The following GNB4 variants were observed in gnomAD, a reference collection of about 807,000 sequenced individuals.
GNB4 encodes the protein G protein subunit beta 4.
In GNB4, 28 loss-of-function variants were observed where a neutral mutation model predicts 45.2. That is an observed-to-expected ratio of 0.62 (90% CI 0.46 to 0.85). The LOEUF is 0.85. GNB4 is among the 40% of genes least tolerant of loss of function. GNB4 has a pLI of 0.00. For synonymous variants in GNB4, 132 were observed against 143.7 expected (o/e 0.92, Z 0.58); for missense variants, 321 against 425.4 (o/e 0.75, Z 2.16).
intron 8 of GNB4, among the ~76,000 whole-genome samples, chr3:179,409,111 A>G (rs1714566565): frequency 1.4e-5 from 2 of 144,686 alleles, no homozygotes; most frequent in Admixed American, 1.5e-4. Context: ...AGCCTGGGTG[A>G]CAGTGAAACC....
intron 1 of GNB4, among the ~76,000 whole-genome samples, chr3:179,435,917 A>C (rs1428421748): frequency 6.6e-6 from 1 of 152,228 alleles, no homozygotes; most frequent in African/African-American, 2.4e-5. Flanking sequence ...ATGTCTTAGA[A>C]TGTCCACAGA....
chr3:179,485,360 T>C, the GNB4 span, among the ~76,000 whole-genome samples: 1 of 152,094 alleles, frequency 6.6e-6, no homozygotes, highest in East Asian at 1.9e-4. Context: ...AACTCAATTG[T>C]ACCTATAAGT....
chr3:179,432,426 C>T (rs1437695778), intron 1 of GNB4, among the ~76,000 whole-genome samples: 1 of 152,092 alleles, frequency 6.6e-6, no homozygotes, highest in Non-Finnish European at 1.5e-5. Flanking sequence ...TTCTTCTCAG[C>T]CAACAACTGT....
At chr3:179,470,141 T>C in the GNB4 span, among the ~76,000 whole-genome samples, 1 of 152,236 alleles carries the variant, frequency 6.6e-6, no homozygotes, top group Non-Finnish European at 1.5e-5. Context: ...TATTTGACAA[T>C]GATAATAAGC....
chr3:179,514,177 G>C, the GNB4 span, among the ~76,000 whole-genome samples: 9 of 152,310 alleles, frequency 5.9e-5, no homozygotes, highest in Non-Finnish European at 1.2e-4. Flanking sequence ...TGAGAAGAGA[G>C]GGTTTCCATC....
At chr3:179,401,522 T>A (rs1714301914) in intron 9 of GNB4, among the ~76,000 whole-genome samples, 1 of 152,258 alleles carries the variant, frequency 6.6e-6, no homozygotes, top group African/African-American at 2.4e-5. Flanking sequence ...GATGTATTTA[T>A]AAATTTGGAT....
At chr3:179,402,491 G>A (rs1379783296) in intron 9 of GNB4, among the ~76,000 whole-genome samples, 1 of 152,206 alleles carries the variant, frequency 6.6e-6, no homozygotes, top group Non-Finnish European at 1.5e-5. Context: ...CTTGAAAGAG[G>A]TTGTAGAAAA....
chr3:179,476,512 G>T, the GNB4 span, among the ~76,000 whole-genome samples: 2 of 152,174 alleles, frequency 1.3e-5, no homozygotes, highest in Admixed American at 6.5e-5. Context: ...CACTCCCATG[G>T]ATCCACTCGG....
the GNB4 span, among the ~76,000 whole-genome samples, chr3:179,489,000 AAAAAAAAAAAAAAAAAAAAATATATATAT>A: frequency 5.9e-5 from 2 of 34,064 alleles, no homozygotes; most frequent in East Asian, 1.9e-3. Flanking sequence ...AAAAAAAAAA[AAAAAAAAAAAAAAAAAAAAATATATATAT>A]ATATATATAT....
rs997150203 is a variant in GNB4, at chr3:179,399,851, A to G, written c.*1362T>C. On this transcript the variant is annotated 3_prime_UTR_variant, in exon 10 of 10. Coordinates refer to ENST00000232564, the MANE Select transcript of GNB4 (RefSeq NM_021629.4). ...CATCAAGCAAGACTAACAATCTTCTATTATCAGTCATTTAGACTTATTTGT... is the reference window on the plus strand; with the variant it reads ...CATCAAGCAAGACTAACAATCTTCTGTTATCAGTCATTTAGACTTATTTGT... 2.6e-5 allele frequency: 4 copies of G among 152,240 alleles called. No homozygotes were observed. The highest frequency in any genetic ancestry group is 7.2e-5 in the African/African-American group (3 of 41,468). 9.4% of individuals were successfully genotyped at this position (152,240 alleles called of 1,614,324 possible).
the GNB4 span, among the ~76,000 whole-genome samples, chr3:179,504,780 A>G: frequency 8.5e-5 from 13 of 152,290 alleles, no homozygotes; most frequent in South Asian, 2.3e-3. Flanking sequence ...ACACTGCAGT[A>G]GGTGGCCTGT....
the GNB4 span, among the ~76,000 whole-genome samples, chr3:179,510,201 G>T: frequency 2.6e-5 from 4 of 152,058 alleles, no homozygotes; most frequent in Non-Finnish European, 5.9e-5. Context: ...AGAAGTAGAA[G>T]CTATCCAAAA....
At chr3:179,404,916 A>G (rs980394149) in intron 9 of GNB4, among the ~76,000 whole-genome samples, 5 of 152,242 alleles carry the variant, frequency 3.3e-5, no homozygotes, top group Non-Finnish European at 5.9e-5. Flanking sequence ...CTAAAAGACC[A>G]CACTGAATCA....
At chr3:179,468,505 A>G in the GNB4 span, among the ~76,000 whole-genome samples, 4 of 150,476 alleles carry the variant, frequency 2.7e-5, no homozygotes, top group East Asian at 1.9e-4. Context: ...CAAGAAAAAA[A>G]AAAAACAAAA....
intron 1 of GNB4, among the ~76,000 whole-genome samples, chr3:179,444,053 C>T (rs1207392478): frequency 1.3e-5 from 2 of 152,144 alleles, no homozygotes; most frequent in African/African-American, 2.4e-5. Context: ...AACACACAAT[C>T]CCCCCGATTC....
chr3:179,470,910 T>C, the GNB4 span, among the ~76,000 whole-genome samples: 13 of 152,330 alleles, frequency 8.5e-5, no homozygotes, highest in African/African-American at 2.9e-4. Context: ...CCGGGCGCCG[T>C]GGCTTACGCC....
At chr3:179,437,526 A>G (rs774944422) in intron 1 of GNB4, among the ~76,000 whole-genome samples, 6 of 151,934 alleles carry the variant, frequency 3.9e-5, no homozygotes, top group Non-Finnish European at 8.8e-5. Flanking sequence ...AGATTGCACA[A>G]CTGCACTCCT....
chr3:179,440,863 CTATATA>C (rs1158858721), intron 1 of GNB4, among the ~76,000 whole-genome samples: 1 of 133,476 alleles, frequency 7.5e-6, no homozygotes, highest in South Asian at 2.3e-4. Context: ...TTAAAAATTC[CTATATA>C]TATAGATAGA....
chr3:179,456,429 C>G (rs1334563949), upstream of GNB4, among the ~76,000 whole-genome samples: 2 of 152,184 alleles, frequency 1.3e-5, no homozygotes, highest in East Asian at 3.8e-4. Flanking sequence ...ATCCAACAAT[C>G]TAAGATTCTG....
Sources: allele counts gnomAD v4.1 joint callset (sites outside exome capture counted in the v4.1 genomes callset), GRCh38; gene constraint gnomAD v4.1.1; transcripts MANE v1.5; gene names NCBI Gene and HGNC (gene_info 2026-07-23, HGNC 2026-07-21).